Variants in STXBP4 observed in about 807,000 individuals in gnomAD.
STXBP4 encodes syntaxin binding protein 4.
STXBP4 carries 55 observed loss-of-function variants against 76.1 expected under a neutral mutation model. The ratio of observed to expected loss-of-function variants is 0.72; its 90% CI spans 0.58 to 0.91. The LOEUF is 0.91. Among genes scored for constraint, STXBP4 ranks in the 40% least tolerant of loss-of-function variants. The pLI is 0.00. For missense variants in STXBP4, 618 were observed against 636.9 expected (o/e 0.97, Z 0.32); for synonymous variants, 201 against 220.2 (o/e 0.91, Z 0.77).
the STXBP4 span, among the ~76,000 whole-genome samples, chr17:55,193,371 G>A: frequency 2.0e-4 from 30 of 152,210 alleles, no homozygotes; most frequent in East Asian, 5.0e-3. Context: ...TTGAAAGCAG[G>A]CAAAAAAGTT....
chr17:54,989,790 G>A (rs935787102), intron 3 of STXBP4, among the ~76,000 whole-genome samples: 3 of 152,144 alleles, frequency 2.0e-5, no homozygotes, highest in African/African-American at 7.2e-5. Flanking sequence ...CCTTTTGCAG[G>A]ATGTTTTGTA....
the STXBP4 span, among the ~76,000 whole-genome samples, chr17:55,200,988 A>G: frequency 5.3e-5 from 8 of 152,176 alleles, no homozygotes; most frequent in African/African-American, 1.9e-4. Flanking sequence ...AGACTCATCC[A>G]TATTTTTTTG....
At chr17:54,995,436 G>A (rs894308598) in intron 4 of STXBP4, among the ~76,000 whole-genome samples, 8 of 152,208 alleles carry the variant, frequency 5.3e-5, no homozygotes, top group Middle Eastern at 3.4e-3. Context: ...TCTTCAGTTG[G>A]TTCTAAGATA....
intron 9 of STXBP4, among the ~76,000 whole-genome samples, chr17:55,032,088 AT>A (rs2078518732): frequency 6.6e-6 from 1 of 152,132 alleles, no homozygotes; most frequent in Non-Finnish European, 1.5e-5. Context: ...TTTGATACAT[AT>A]TGGTAAATTG....
intron 1 of STXBP4, among the ~76,000 whole-genome samples, chr17:54,979,054 A>G (rs1202604549): frequency 6.6e-6 from 1 of 152,196 alleles, no homozygotes; most frequent in Non-Finnish European, 1.5e-5. Flanking sequence ...ACTAACAGAT[A>G]CTTCTGTGTG....
chr17:54,997,862 A>T (rs1247581133), intron 4 of STXBP4, among the ~76,000 whole-genome samples: 2 of 150,032 alleles, frequency 1.3e-5, no homozygotes, highest in African/African-American at 4.9e-5. Context: ...TGTTGGGTGT[A>T]CAGATGTGAG....
chr17:55,110,243 G>A (rs2079696121), intron 16 of STXBP4, among the ~76,000 whole-genome samples: 1 of 152,130 alleles, frequency 6.6e-6, no homozygotes, highest in Admixed American at 6.5e-5. Context: ...TGATTATGTT[G>A]CACCAACATG....
At chr17:55,213,120 C>T in the STXBP4 span, among the ~76,000 whole-genome samples, 1 of 151,840 alleles carries the variant, frequency 6.6e-6, no homozygotes. Context: ...AGAGTAGATG[C>T]GGTGGTTGGG....
At chr17:55,202,385 G>T in the STXBP4 span, among the ~76,000 whole-genome samples, 3 of 150,696 alleles carry the variant, frequency 2.0e-5, no homozygotes, top group Non-Finnish European at 4.4e-5. Context: ...TGTTACCACA[G>T]GTATTAGTTT....
intron 11 of STXBP4, chr17:55,044,861 C>G (rs527493045): frequency 1.3e-5 from 2 of 149,156 alleles, no homozygotes; most frequent in Admixed American, 1.3e-4. Context: ...TTTTTTTTCT[C>G]TCTCTCTCTC....
Position 55,002,877 on chromosome 17 carries a change from T to A in STXBP4, c.574+1994T>A, listed in dbSNP as rs1459152851. On this transcript the variant is annotated intron_variant, in intron 7 of 17. Transcript: ENST00000376352. ...TAGTGCATAGTATATGCTTACTAAA[T>A]TTTCCTGTTACTAATAATATGGAAC... Among the ~76,000 whole-genome samples the A allele has an allele frequency of 2.6e-5, 4 of 152,190 alleles. No homozygotes were observed. The South Asian group carries it at 6.2e-4, about 24-fold the overall frequency.
At chr17:55,057,887 T>G (rs2078949131) in intron 12 of STXBP4, among the ~76,000 whole-genome samples, 1 of 152,200 alleles carries the variant, frequency 6.6e-6, no homozygotes, top group Non-Finnish European at 1.5e-5. Context: ...ATGAAGTCTT[T>G]TCTTTTTTAT....
chr17:55,204,813 A>AACACACACAC, the STXBP4 span, among the ~76,000 whole-genome samples: 5 of 73,096 alleles, frequency 6.8e-5, no homozygotes, highest in African/African-American at 3.0e-4. Flanking sequence ...TTCAAGATTA[A>AACACACACAC]ACACACACAC....
At chr17:55,106,803 G>C (rs2079640757) in intron 16 of STXBP4, among the ~76,000 whole-genome samples, 1 of 152,008 alleles carries the variant, frequency 6.6e-6, no homozygotes. Context: ...CTCTCTTCTG[G>C]CTTGTAGTCT....
the STXBP4 span, among the ~76,000 whole-genome samples, chr17:55,190,234 C>T: frequency 6.6e-6 from 1 of 152,086 alleles, no homozygotes; most frequent in East Asian, 1.9e-4. Context: ...CAGCAAGGAA[C>T]AGAACAATCC....
At chr17:55,121,721 GA>G (rs1430382748) in intron 16 of STXBP4, among the ~76,000 whole-genome samples, 1 of 152,020 alleles carries the variant, frequency 6.6e-6, no homozygotes. Context: ...CTGCCTCACA[GA>G]GTGGCCACCC....
intron 17 of STXBP4, among the ~76,000 whole-genome samples, chr17:55,157,106 C>A (rs2080286469): frequency 6.6e-6 from 1 of 152,186 alleles, no homozygotes; most frequent in Non-Finnish European, 1.5e-5. Context: ...TCCTGTTTTT[C>A]TTCCTTCCCA....
chr17:55,006,377 C>T (rs892673124), intron 7 of STXBP4, among the ~76,000 whole-genome samples: 5 of 152,106 alleles, frequency 3.3e-5, no homozygotes, highest in Non-Finnish European at 7.4e-5. Flanking sequence ...AATTAAAACA[C>T]TGCATAAAGA....
chr17:55,055,494 C>T lies in STXBP4; in HGVS notation c.1011+8340C>T, dbSNP rs144907607. Among the ~76,000 whole-genome samples the T allele has an allele frequency of 1.1e-4, 17 of 152,280 alleles. No individual in the cohort carries two copies. In the East Asian group the frequency reaches 3.1e-3, roughly 28 times the overall value. ...GCTATTATAGCTTCCTACCAGATCA[C>T]GCTACTTTTACCCTGCCTCACTCCC... On this transcript the variant is annotated intron_variant, in intron 12 of 17. Coordinates refer to ENST00000376352, the MANE Select transcript of STXBP4 (RefSeq NM_178509.6).
Sources: gnomAD v4.1 joint callset for allele counts (sites outside exome capture counted in the v4.1 genomes callset) on GRCh38, gnomAD v4.1.1 for gene constraint, MANE v1.5 for transcripts, NCBI Gene and HGNC (gene_info 2026-07-23, HGNC 2026-07-21) for gene names.